Variants in SPTLC3 observed in about 807,000 individuals in gnomAD.
The protein encoded by SPTLC3 is serine palmitoyltransferase 3.
Under a neutral mutation model 59.3 loss-of-function variants are expected in SPTLC3, and 36 were observed. That is an observed-to-expected ratio of 0.61 (90% CI 0.47 to 0.80). The LOEUF (loss-of-function observed/expected upper bound fraction) is 0.80, where lower values mean the gene tolerates loss of function less well. Ranked by LOEUF, SPTLC3 falls within the 30% of genes least tolerant of loss-of-function variation. SPTLC3 has a pLI of 0.00. For synonymous variants in SPTLC3, 257 were observed against 240.8 expected (o/e 1.07, Z -0.62); for missense variants, 625 against 685.1 (o/e 0.91, Z 0.98).
intron 9 of SPTLC3, among the ~76,000 whole-genome samples, chr20:13,129,181 T>C: frequency 6.6e-6 from 1 of 152,138 alleles, no homozygotes; most frequent in South Asian, 2.1e-4. Flanking sequence ...TTTGTATTTG[T>C]AGTCGAGACG....
chr20:13,019,183 T>C (rs2122379666), intron 1 of SPTLC3, among the ~76,000 whole-genome samples: 1 of 152,262 alleles, frequency 6.6e-6, no homozygotes, highest in Middle Eastern at 3.4e-3. Context: ...GCCTGGTGTT[T>C]CCAAGAGACA....
chr20:13,147,253 C>T (rs1439321494), intron 9 of SPTLC3, among the ~76,000 whole-genome samples: 1 of 152,158 alleles, frequency 6.6e-6, no homozygotes, highest in Non-Finnish European at 1.5e-5. Context: ...GGGAGAGCTT[C>T]AGTGCCTGAT....
At chr20:13,101,528 G>T (rs1174573086) in intron 6 of SPTLC3, among the ~76,000 whole-genome samples, 1 of 152,132 alleles carries the variant, frequency 6.6e-6, no homozygotes, top group Non-Finnish European at 1.5e-5. Context: ...TCTACTGTGG[G>T]CAGCTTCAGG....
chr20:13,054,899 C>A (rs1987654997), intron 2 of SPTLC3, among the ~76,000 whole-genome samples: 1 of 152,018 alleles, frequency 6.6e-6, no homozygotes, highest in Non-Finnish European at 1.5e-5. Context: ...AAGTGAAGAA[C>A]TTCAGAAAAT....
At chr20:13,090,863 G>T (rs1292513817) in intron 4 of SPTLC3, among the ~76,000 whole-genome samples, 1 of 151,396 alleles carries the variant, frequency 6.6e-6, no homozygotes, top group Non-Finnish European at 1.5e-5. Context: ...CTTTCTCATT[G>T]CTGTATTGAA....
intron 9 of SPTLC3, among the ~76,000 whole-genome samples, chr20:13,144,756 TG>T: frequency 9.5e-4 from 1 of 1,054 alleles, no homozygotes; most frequent in African/African-American, 0.014. Flanking sequence ...GTCTACTATG[TG>T]TGTGTGTGTG....
chr20:13,009,858 TG>T (rs1405963332), intron 1 of SPTLC3, among the ~76,000 whole-genome samples: 4 of 152,130 alleles, frequency 2.6e-5, no homozygotes, highest in African/African-American at 9.7e-5. Context: ...GAGTTATTAT[TG>T]GTGTGTAGTG....
rs146038997 is a variant in SPTLC3 at position 13,027,080 on chromosome 20, C to T, written c.117+17696C>T. ...ACTGGTAACTGCCTTAAAAGCACAC[C>T]GTTCATTGGTTTCCTTCCCTTTTCT... On this transcript the variant is annotated intron_variant, in intron 1 of 11. Transcript: ENST00000399002. Among the ~76,000 whole-genome samples the T allele has an allele frequency of 2.6e-3, 391 of 152,284 alleles. 5 individuals carry two copies. Among genetic ancestry groups the T allele is most frequent in the African/African-American group, 8.4e-3 (349 of 41,558 alleles).
intron 2 of SPTLC3, among the ~76,000 whole-genome samples, chr20:13,061,585 G>A (rs1203014638): frequency 3.3e-5 from 5 of 152,112 alleles, no homozygotes. Flanking sequence ...ACAATCTCCA[G>A]GTAAGTAAAT....
intron 6 of SPTLC3, among the ~76,000 whole-genome samples, chr20:13,096,803 CA>C (rs1336959224): frequency 1.3e-5 from 2 of 152,004 alleles, no homozygotes; most frequent in Admixed American, 1.3e-4. Flanking sequence ...AATCATACAA[CA>C]TATATAAAAT....
At chr20:13,147,755 G>T (rs936885457) in intron 9 of SPTLC3, among the ~76,000 whole-genome samples, 1 of 152,172 alleles carries the variant, frequency 6.6e-6, no homozygotes, top group Non-Finnish European at 1.5e-5. Context: ...CTGCCTAGGA[G>T]CATGTATGAG....
chr20:13,126,656 G>A lies in SPTLC3; in HGVS notation c.1218G>A (p.Pro406=), dbSNP rs201574383. ...TTTATGCTTCATCCATGAGCCCACC[G>A]ATAGCAGAGCAAATCATCAGATCAC... ...SAVYASSMSP[P]IAEQIIRSLK... The change falls in exon 9 of 12, where the codon CCG becomes CCA. Residue 406 remains proline (P), a synonymous_variant. Transcript: ENST00000399002. 1.7e-5 allele frequency: 28 copies of A among 1,613,890 alleles called. No homozygotes were observed. In the East Asian group the frequency reaches 2.9e-4, roughly 17 times the overall value.
At chr20:13,128,871 ATTTT>A (rs35981991) in intron 9 of SPTLC3, among the ~76,000 whole-genome samples, 10 of 114,220 alleles carry the variant, frequency 8.8e-5, no homozygotes, top group Non-Finnish European at 1.0e-4. Context: ...TGCCCAGCTA[ATTTT>A]TTTTTTTTTT....
At chr20:13,076,077 C>T (rs1568590314) in intron 4 of SPTLC3, among the ~76,000 whole-genome samples, 1 of 152,160 alleles carries the variant, frequency 6.6e-6, no homozygotes, top group Non-Finnish European at 1.5e-5. Context: ...TTTCATTTAG[C>T]TCTCCATGTC....
intron 10 of SPTLC3, among the ~76,000 whole-genome samples, chr20:13,157,510 T>C (rs1438657112): frequency 6.6e-6 from 1 of 152,168 alleles, no homozygotes; most frequent in African/African-American, 2.4e-5. Flanking sequence ...CCAGTTCCAT[T>C]TGCTTCATAA....
intron 9 of SPTLC3, among the ~76,000 whole-genome samples, chr20:13,138,436 C>A (rs1308364950): frequency 6.6e-6 from 1 of 152,170 alleles, no homozygotes; most frequent in Non-Finnish European, 1.5e-5. Context: ...ATTCTTCCTT[C>A]CTTCAGTCCC....
intron 2 of SPTLC3, among the ~76,000 whole-genome samples, chr20:13,054,190 G>T (rs1987617279): frequency 1.3e-5 from 2 of 152,192 alleles, no homozygotes; most frequent in South Asian, 4.1e-4. Context: ...GAATTCCAAT[G>T]ACCGAGTGTT....
chr20:13,026,048 G>C (rs894666797), intron 1 of SPTLC3, among the ~76,000 whole-genome samples: 1 of 152,182 alleles, frequency 6.6e-6, no homozygotes, highest in African/African-American at 2.4e-5. Flanking sequence ...CTCCTGCAAA[G>C]GACATACTCT....
At chr20:13,010,175 C>G (rs977578961) in intron 1 of SPTLC3, among the ~76,000 whole-genome samples, 65 of 152,178 alleles carry the variant, frequency 4.3e-4, no homozygotes, top group Admixed American at 2.9e-3. Context: ...CAGTTCCCCA[C>G]TCCCCACAGG....
Sources: allele counts gnomAD v4.1 joint callset (sites outside exome capture counted in the v4.1 genomes callset), GRCh38; gene constraint gnomAD v4.1.1; transcripts MANE v1.5; gene names NCBI Gene and HGNC (gene_info 2026-07-23, HGNC 2026-07-21).